Variants in IMMP2L observed in about 807,000 individuals in gnomAD.
The protein encoded by IMMP2L is mitochondrial inner membrane protease subunit 2.
IMMP2L carries 18 observed loss-of-function variants against 19.3 expected under a neutral mutation model. The observed-to-expected ratio is 0.93, with a 90% CI of 0.64 to 1.38. IMMP2L has a LOEUF of 1.38. Among genes scored for constraint, IMMP2L ranks in the 40% most tolerant of loss-of-function variants. The pLI is 0.00. For missense variants in IMMP2L, 233 were observed against 218.2 expected (o/e 1.07, Z -0.43); for synonymous variants, 76 against 73.0 (o/e 1.04, Z -0.21).
At chr7:111,197,388 A>G (rs1360463668) in intron 3 of IMMP2L, among the ~76,000 whole-genome samples, 3 of 152,256 alleles carry the variant, frequency 2.0e-5, no homozygotes, top group Admixed American at 6.5e-5. Context: ...GCGTGAACCC[A>G]GGAGGCGGAG....
At chr7:111,364,336 T>TA (rs1267303573) in intron 3 of IMMP2L, among the ~76,000 whole-genome samples, 1 of 152,148 alleles carries the variant, frequency 6.6e-6, no homozygotes, top group East Asian at 1.9e-4. Flanking sequence ...TATTTTGGTT[T>TA]AAAAAAAATC....
rs1253634815 is a variant in IMMP2L, at chr7:111,521,426, C to T, written c.22G>A (p.Val8Met). 6.2e-7 allele frequency: 1 copy of T among 1,612,410 alleles called. No individual in the cohort carries two copies. Among genetic ancestry groups the T allele is most frequent in the East Asian group, 2.2e-5 (1 of 44,850 alleles). Residue 8 changes from valine (V) to methionine (M), a missense_variant, in exon 2 of 6, where the codon GTG becomes ATG. Coordinates refer to ENST00000405709, the MANE Select transcript of IMMP2L (RefSeq NM_032549.4). ...CAAAAGGCCTTGATGTATCTTTTCACCCACCCTTGTGACTGTGCCATACCT... is the reference window on the plus strand; with the variant it reads ...CAAAAGGCCTTGATGTATCTTTTCATCCACCCTTGTGACTGTGCCATACCT... The part of the protein sequence containing the change: MAQSQGW[V>M]KRYIKAFCKG...
chr7:111,458,793 G>A (rs1839895460), intron 3 of IMMP2L, among the ~76,000 whole-genome samples: 1 of 152,034 alleles, frequency 6.6e-6, no homozygotes, highest in South Asian at 2.1e-4. Context: ...AACATTTTTA[G>A]CCTTTATTTT....
At chr7:110,851,315 T>C (rs1462536738) in intron 5 of IMMP2L, among the ~76,000 whole-genome samples, 1 of 152,144 alleles carries the variant, frequency 6.6e-6, no homozygotes, top group African/African-American at 2.4e-5. Flanking sequence ...AGACACCTCT[T>C]GTAAGCCACT....
At chr7:111,321,862 T>TA (rs1192814165) in intron 3 of IMMP2L, among the ~76,000 whole-genome samples, 8 of 151,842 alleles carry the variant, frequency 5.3e-5, no homozygotes, top group East Asian at 1.9e-4. Context: ...CAAAGGACTG[T>TA]AAAAAAAACT....
chr7:111,290,693 A>T (rs550463265), intron 3 of IMMP2L, among the ~76,000 whole-genome samples: 10 of 152,092 alleles, frequency 6.6e-5, no homozygotes, highest in African/African-American at 2.2e-4. Flanking sequence ...GGCCTTTCTG[A>T]TGAATCTATT....
intron 4 of IMMP2L, chr7:110,962,912 A>G: frequency 7.2e-7 from 1 of 1,381,880 alleles, no homozygotes; most frequent in Non-Finnish European, 9.3e-7. Context: ...ATCATGCCAC[A>G]CAGTATTTAC....
At chr7:110,664,391 C>T (rs982637181) in intron 5 of IMMP2L, among the ~76,000 whole-genome samples, 2 of 151,512 alleles carry the variant, frequency 1.3e-5, no homozygotes, top group African/African-American at 4.9e-5. Flanking sequence ...AGAAAGCAAA[C>T]AAGGTGGGAT....
At chr7:111,551,525 T>TGC (rs1849460450) in intron 1 of IMMP2L, among the ~76,000 whole-genome samples, 4 of 151,522 alleles carry the variant, frequency 2.6e-5, no homozygotes, top group South Asian at 2.1e-4. Flanking sequence ...TGTGTGTGTG[T>TGC]GTGTGTGGTC....
chr7:111,238,483 T>G (rs957319426), intron 3 of IMMP2L, among the ~76,000 whole-genome samples: 1 of 151,974 alleles, frequency 6.6e-6, no homozygotes, highest in Non-Finnish European at 1.5e-5. Context: ...GCCAGGAAGA[T>G]TGGAGAGTTA....
chr7:111,242,815 T>G (rs1815270046), intron 3 of IMMP2L, among the ~76,000 whole-genome samples: 1 of 152,084 alleles, frequency 6.6e-6, no homozygotes, highest in African/African-American at 2.4e-5. Context: ...AGAATTTGTC[T>G]ATAAATTTAT....
chr7:110,843,766 A>G (rs1015976052), intron 5 of IMMP2L, among the ~76,000 whole-genome samples: 2 of 152,212 alleles, frequency 1.3e-5, no homozygotes, highest in African/African-American at 2.4e-5. Context: ...TGAGGAAGTC[A>G]TATCCAAGCT....
At chr7:110,965,974 A>C (rs968627410) in intron 3 of IMMP2L, among the ~76,000 whole-genome samples, 2 of 152,032 alleles carry the variant, frequency 1.3e-5, no homozygotes, top group African/African-American at 4.8e-5. Flanking sequence ...ATGTATGCCA[A>C]ATTTTGGCCA....
intron 5 of IMMP2L, among the ~76,000 whole-genome samples, chr7:110,855,070 T>C (rs1806621965): frequency 6.6e-6 from 1 of 151,822 alleles, no homozygotes; most frequent in Admixed American, 6.6e-5. Context: ...CACACCAAGA[T>C]AACAGTCCAA....
intron 3 of IMMP2L, among the ~76,000 whole-genome samples, chr7:111,022,742 G>T (rs1826415169): frequency 6.6e-6 from 1 of 152,144 alleles, no homozygotes. Flanking sequence ...ACTAATTCAT[G>T]TCATAACATC....
At chr7:111,541,183 T>C (rs573885394) in intron 1 of IMMP2L, among the ~76,000 whole-genome samples, 1 of 152,294 alleles carries the variant, frequency 6.6e-6, no homozygotes, top group South Asian at 2.1e-4. Flanking sequence ...TCCCTCACAG[T>C]ACTAAAATTA....
chr7:110,791,804 C>T (rs1800475336), intron 5 of IMMP2L, among the ~76,000 whole-genome samples: 2 of 151,800 alleles, frequency 1.3e-5, no homozygotes, highest in Non-Finnish European at 2.9e-5. Context: ...GTCCAGCAGA[C>T]AGGAGCCAGA....
At chr7:111,161,144 T>C (rs1275699200) in intron 3 of IMMP2L, among the ~76,000 whole-genome samples, 2 of 151,912 alleles carry the variant, frequency 1.3e-5, no homozygotes, top group Non-Finnish European at 2.9e-5. Flanking sequence ...GCAAGTTTTA[T>C]CAGACTTTCA....
chr7:111,080,293 A>C (rs1468999718), intron 3 of IMMP2L, among the ~76,000 whole-genome samples: 3 of 152,192 alleles, frequency 2.0e-5, no homozygotes, highest in Non-Finnish European at 4.4e-5. Context: ...TCTTCCATTA[A>C]GAGAATAAAA....
Sources: gnomAD v4.1 joint callset for allele counts (sites outside exome capture counted in the v4.1 genomes callset) on GRCh38, gnomAD v4.1.1 for gene constraint, MANE v1.5 for transcripts, NCBI Gene and HGNC (gene_info 2026-07-23, HGNC 2026-07-21) for gene names.